AFAP1L2: variants seen among roughly 807,000 people sequenced by gnomAD.
AFAP1L2 encodes the protein actin filament associated protein 1 like 2.
A neutral mutation model predicts 99.3 loss-of-function variants in AFAP1L2; 46 were observed. That is an observed-to-expected ratio of 0.46 (90% CI 0.37 to 0.59). The LOEUF (loss-of-function observed/expected upper bound fraction) is 0.59, where lower values mean the gene tolerates loss of function less well. Ranked by LOEUF, AFAP1L2 falls within the 20% of genes least tolerant of loss-of-function variation. The pLI is 0.00. For missense variants in AFAP1L2, 959 were observed against 1,034.9 expected (o/e 0.93, Z 1.01); for synonymous variants, 397 against 419.1 (o/e 0.95, Z 0.64).
chr10:114,297,206 G>C lies in AFAP1L2; in HGVS notation c.2307+14C>G, dbSNP rs1368748304. 2.2e-6 allele frequency: 3 copies of C among 1,384,522 alleles called. No individual in the cohort carries two copies. Among genetic ancestry groups the C allele is most frequent in the Non-Finnish European group, 2.9e-6 (3 of 1,035,550 alleles). 85.8% of individuals were successfully genotyped at this position (1,384,522 alleles called of 1,614,324 possible). A position where few individuals can be genotyped will look rare whatever the true frequency, so the allele number is the denominator to read the frequency against. Reference sequence around the variant, plus strand: ...CCCTGCAAGCAGCCCAGAGGCCGCAGTTCCAGCACTCACGCGGGGGCTCAC... The same window carrying C: ...CCCTGCAAGCAGCCCAGAGGCCGCACTTCCAGCACTCACGCGGGGGCTCAC... On this transcript the variant is annotated intron_variant, in intron 17 of 18. Transcript: ENST00000304129.
At chr10:114,288,475 C>G in the AFAP1L2 span, among the ~76,000 whole-genome samples, 3,637 of 152,336 alleles carry the variant, frequency 0.024, 163 homozygotes, top group African/African-American at 0.084. Context: ...GCCCACAAAC[C>G]CAAACCCCAT....
At chr10:114,328,807 A>G (rs776226205) in intron 4 of AFAP1L2, among the ~76,000 whole-genome samples, 59 of 152,358 alleles carry the variant, frequency 3.9e-4, no homozygotes, top group Non-Finnish European at 5.6e-4. Flanking sequence ...TGAGGGAGTG[A>G]GGACATGTGC....
At chr10:114,381,681 A>G (rs913259156) in intron 1 of AFAP1L2, among the ~76,000 whole-genome samples, 1 of 152,214 alleles carries the variant, frequency 6.6e-6, no homozygotes, top group African/African-American at 2.4e-5. Flanking sequence ...AAATTTGACC[A>G]CAAAATAATT....
At chr10:114,321,263 A>G (rs2045253710) in intron 5 of AFAP1L2, among the ~76,000 whole-genome samples, 1 of 151,450 alleles carries the variant, frequency 6.6e-6, no homozygotes, top group African/African-American at 2.4e-5. Flanking sequence ...CCCCACTCCC[A>G]ATCTTCCCCC....
chr10:114,301,057 G>A (rs2041082492), intron 13 of AFAP1L2, among the ~76,000 whole-genome samples: 1 of 152,140 alleles, frequency 6.6e-6, no homozygotes, highest in South Asian at 2.1e-4. Context: ...AACCGATTTG[G>A]ACCTGGAAGC....
chr10:114,331,730 G>T, intron 4 of AFAP1L2, 73 bp downstream of exon 4: 2 of 1,079,850 alleles, frequency 1.9e-6, no homozygotes, highest in South Asian at 3.2e-5. Context: ...TTAGTGAGCT[G>T]ACACCTGTGG....
At chr10:114,399,938 G>A (rs1456982120) in intron 1 of AFAP1L2, among the ~76,000 whole-genome samples, 3 of 152,166 alleles carry the variant, frequency 2.0e-5, no homozygotes, top group South Asian at 2.1e-4. Context: ...GGAACACTGC[G>A]AACACTGGAG....
At chr10:114,296,103 C>G (rs751730313) in intron 18 of AFAP1L2, 35 bp from the exon 19 acceptor site, 2 of 1,613,602 alleles carry the variant, frequency 1.2e-6, no homozygotes, top group Non-Finnish European at 1.7e-6. Context: ...ACCCACCCCC[C>G]ACCAAAAAGA....
chr10:114,320,040 T>C (rs540885878), intron 5 of AFAP1L2, among the ~76,000 whole-genome samples: 1 of 152,224 alleles, frequency 6.6e-6, no homozygotes, highest in East Asian at 1.9e-4. Flanking sequence ...GGGCACCTAA[T>C]CTACATGAGG....
chr10:114,296,051 T>C lies in AFAP1L2; in HGVS notation c.2448A>G (p.Gly816=), dbSNP rs1437759626. ...AGATGAAGCTTGTTTTCTAACTTGC[T>C]CCTTTCTTCTCCCATTCCTAGGGTA... The part of the protein sequence containing the change: ...LQKAKEWEKK[G]AS Residue 816 remains glycine (G), a synonymous_variant, in exon 19 of 19, where the codon GGA becomes GGG. Transcript: ENST00000304129. The C allele has an allele frequency of 6.2e-7, 1 of 1,614,188 alleles. No individual in the cohort carries two copies.
intron 1 of AFAP1L2, among the ~76,000 whole-genome samples, chr10:114,370,027 G>A (rs2053882941): frequency 6.6e-6 from 1 of 152,146 alleles, no homozygotes; most frequent in South Asian, 2.1e-4. Flanking sequence ...GTGACCCCAG[G>A]CCAGCTGATC....
intron 5 of AFAP1L2, among the ~76,000 whole-genome samples, chr10:114,319,010 C>T (rs138712591): frequency 6.1e-4 from 93 of 151,978 alleles, no homozygotes; most frequent in African/African-American, 2.1e-3. Context: ...AAAAATTAGC[C>T]GGTCATGGTG....
intron 1 of AFAP1L2, among the ~76,000 whole-genome samples, chr10:114,384,842 CA>C (rs1375243236): frequency 6.6e-6 from 1 of 152,218 alleles, no homozygotes; most frequent in Non-Finnish European, 1.5e-5. Context: ...TGGGGACTTC[CA>C]AAGGCTCCAG....
At chr10:114,341,611 C>CAAA (rs5788058) in intron 1 of AFAP1L2, among the ~76,000 whole-genome samples, 6 of 135,778 alleles carry the variant, frequency 4.4e-5, no homozygotes, top group East Asian at 2.1e-4. Context: ...GACTCCATCT[C>CAAA]AAAAAAAAAA....
At chr10:114,355,682 T>C (rs1226342665) in intron 1 of AFAP1L2, among the ~76,000 whole-genome samples, 1 of 152,166 alleles carries the variant, frequency 6.6e-6, no homozygotes, top group Non-Finnish European at 1.5e-5. Flanking sequence ...TCAAAAAATT[T>C]CTGTCGGGTC....
chr10:114,320,634 C>T (rs1232189337), intron 5 of AFAP1L2, among the ~76,000 whole-genome samples: 1 of 152,250 alleles, frequency 6.6e-6, no homozygotes, highest in Non-Finnish European at 1.5e-5. Context: ...TGAGTTCAAG[C>T]TGTCCTTGGG....
At chr10:114,328,059 C>T (rs1164155498) in intron 4 of AFAP1L2, among the ~76,000 whole-genome samples, 1 of 152,208 alleles carries the variant, frequency 6.6e-6, no homozygotes, top group African/African-American at 2.4e-5. Flanking sequence ...GCTAGCCAGA[C>T]CATCAACCAT....
chr10:114,345,283 G>A (rs2049380253), intron 1 of AFAP1L2, among the ~76,000 whole-genome samples: 1 of 152,054 alleles, frequency 6.6e-6, no homozygotes, highest in Admixed American at 6.6e-5. Context: ...TGTGGATTGG[G>A]GGTGATGCAG....
chr10:114,294,647 G>A (rs1383408651), downstream of AFAP1L2, among the ~76,000 whole-genome samples: 1 of 152,100 alleles, frequency 6.6e-6, no homozygotes, highest in African/African-American at 2.4e-5. Flanking sequence ...TCTTTGGTAT[G>A]TTGTTAACTG....
Sources: allele counts gnomAD v4.1 joint callset (sites outside exome capture counted in the v4.1 genomes callset), GRCh38; gene constraint gnomAD v4.1.1; transcripts MANE v1.5; gene names NCBI Gene and HGNC (gene_info 2026-07-23, HGNC 2026-07-21).